Variants in ARSB observed in about 807,000 individuals in gnomAD.
ARSB encodes the protein arylsulfatase B.
A neutral mutation model predicts 50.9 loss-of-function variants in ARSB; 41 were observed. That is an observed-to-expected ratio of 0.81 (90% confidence interval 0.63 to 1.04). The LOEUF (loss-of-function observed/expected upper bound fraction) is 1.04. Among genes scored for constraint, ARSB ranks in the 50% least tolerant of loss-of-function variants. The pLI is 0.00. For missense variants in ARSB, 672 were observed against 693.3 expected, an observed-to-expected ratio of 0.97 and a Z score of 0.35; for synonymous variants, 269 against 284.8, an observed-to-expected ratio of 0.94 and a Z score of 0.56.
chr5:78,962,871 C>A (rs1177081723), intron 3 of ARSB, among the ~76,000 whole-genome samples: 1 of 152,180 alleles, frequency 6.6e-6, no homozygotes, highest in Non-Finnish European at 1.5e-5. Context: ...GCATTTAACT[C>A]ATTCAGGGAA....
chr5:78,854,189 T>C (rs569081079), intron 5 of ARSB, among the ~76,000 whole-genome samples: 1 of 152,390 alleles, frequency 6.6e-6, no homozygotes, highest in South Asian at 2.1e-4. Context: ...GCTGTTCCTA[T>C]TCAGCCATCT....
chr5:78,806,617 G>A (rs550321923), intron 6 of ARSB, among the ~76,000 whole-genome samples: 11 of 152,102 alleles, frequency 7.2e-5, no homozygotes, highest in African/African-American at 1.4e-4. Flanking sequence ...CTCACCCTGC[G>A]CTTTGCAGGT....
intron 1 of ARSB, among the ~76,000 whole-genome samples, chr5:78,984,584 C>A (rs1469636093): frequency 6.6e-6 from 1 of 152,258 alleles, no homozygotes; most frequent in East Asian, 1.9e-4. Flanking sequence ...CCCACGCCCT[C>A]CCCAGCCTCC....
At chr5:78,917,646 C>T (rs1241582671) in intron 4 of ARSB, among the ~76,000 whole-genome samples, 1 of 152,006 alleles carries the variant, frequency 6.6e-6, no homozygotes. Flanking sequence ...CAGAGTAGCT[C>T]GGATTACAGT....
At chr5:78,963,781 C>A (rs1752093498) in intron 3 of ARSB, among the ~76,000 whole-genome samples, 1 of 152,036 alleles carries the variant, frequency 6.6e-6, no homozygotes, top group South Asian at 2.1e-4. Flanking sequence ...ATCCATTCTC[C>A]CCAAGTTGTT....
chr5:78,807,894 C>T (rs1304443593), intron 6 of ARSB, among the ~76,000 whole-genome samples: 1 of 151,524 alleles, frequency 6.6e-6, no homozygotes, highest in African/African-American at 2.4e-5. Context: ...GAGATCGAGA[C>T]CATCCCGGCT....
intron 1 of ARSB, among the ~76,000 whole-genome samples, chr5:78,980,274 A>T (rs545622401): frequency 6.2e-4 from 95 of 152,328 alleles, no homozygotes; most frequent in African/African-American, 1.9e-3. Context: ...AATTGGTACA[A>T]TCCCTTAAGA....
chr5:78,792,417 T>C (rs1742991107), intron 6 of ARSB, among the ~76,000 whole-genome samples: 1 of 151,752 alleles, frequency 6.6e-6, no homozygotes, highest in Non-Finnish European at 1.5e-5. Context: ...AAGGCCATCC[T>C]GGGCCACGTG....
intron 6 of ARSB, among the ~76,000 whole-genome samples, chr5:78,792,696 T>C (rs1161423922): frequency 1.3e-5 from 2 of 152,234 alleles, no homozygotes; most frequent in Non-Finnish European, 2.9e-5. Flanking sequence ...GCACGGATTC[T>C]GGGTACAGGT....
chr5:78,929,209 C>T (rs572889529), intron 4 of ARSB, among the ~76,000 whole-genome samples: 4 of 152,294 alleles, frequency 2.6e-5, no homozygotes, highest in African/African-American at 2.4e-5. Flanking sequence ...ACACAGTCCC[C>T]GAGTTCTTTG....
intron 4 of ARSB, among the ~76,000 whole-genome samples, chr5:78,897,683 C>G (rs1187532687): frequency 2.6e-5 from 4 of 152,032 alleles, no homozygotes; most frequent in African/African-American, 9.7e-5. Context: ...AAGTTATAAT[C>G]AGATCTCCTG....
intron 6 of ARSB, among the ~76,000 whole-genome samples, chr5:78,787,091 C>CTATCT (rs1554070200): frequency 1.6e-4 from 21 of 128,054 alleles, no homozygotes; most frequent in African/African-American, 4.6e-4. Flanking sequence ...AATCGATAAC[C>CTATCT]ATCTATCTAT....
chr5:78,917,454 A>G (rs549434425), intron 4 of ARSB, among the ~76,000 whole-genome samples: 1 of 152,224 alleles, frequency 6.6e-6, no homozygotes, highest in African/African-American at 2.4e-5. Flanking sequence ...TTGTCTGAGC[A>G]TACGCATTTT....
intron 4 of ARSB, among the ~76,000 whole-genome samples, chr5:78,944,491 C>T (rs1361675028): frequency 2.0e-5 from 3 of 152,206 alleles, no homozygotes; most frequent in Non-Finnish European, 4.4e-5. Context: ...AGTTTTCCTT[C>T]TAACAGTCAG....
intron 4 of ARSB, among the ~76,000 whole-genome samples, chr5:78,914,117 C>T (rs1376074276): frequency 3.3e-5 from 5 of 151,980 alleles, no homozygotes; most frequent in Non-Finnish European, 7.4e-5. Flanking sequence ...TATGTGCCAC[C>T]ACACCCAGCT....
intron 3 of ARSB, among the ~76,000 whole-genome samples, chr5:78,964,191 C>T (rs1264310334): frequency 6.6e-6 from 1 of 152,180 alleles, no homozygotes; most frequent in East Asian, 1.9e-4. Flanking sequence ...TGCTGATGTA[C>T]GGATTTCTCC....
rs1752890420 is a variant in ARSB, at chr5:78,981,229, CGTGAG to C, written c.312+3703_312+3707del. On this transcript the variant is annotated intron_variant, in intron 1 of 7. Coordinates refer to ENST00000264914, the MANE Select transcript of ARSB (RefSeq NM_000046.5). ...CCTCCCAAAGTGCTGGGATTACAGG[CGTGAG>C]CCACCGCGCCCGGCCGAATTTCTAG... 6.4e-4 allele frequency among the ~76,000 whole-genome samples: 3 copies of C among 4,672 alleles called. 1 individual carries two copies. The highest frequency in any genetic ancestry group is 2.9e-3 in the Admixed American group (1 of 346). The allele number at this position is 4,672 out of a possible 152,430, so 3.1% of individuals were successfully genotyped here.
chr5:78,819,380 C>G (rs1187904641), intron 6 of ARSB, among the ~76,000 whole-genome samples: 1 of 152,182 alleles, frequency 6.6e-6, no homozygotes, highest in Admixed American at 6.5e-5. Context: ...GTTGCTGTTT[C>G]AAGGCAGACA....
At chr5:78,873,657 G>A (rs1180716322) in intron 5 of ARSB, among the ~76,000 whole-genome samples, 9 of 150,510 alleles carry the variant, frequency 6.0e-5, no homozygotes, top group Admixed American at 2.0e-4. Context: ...CACTACGCCC[G>A]GCTAATTTTT....
Sources: allele counts gnomAD v4.1 joint callset (sites outside exome capture counted in the v4.1 genomes callset), GRCh38; gene constraint gnomAD v4.1.1; transcripts MANE v1.5; gene names NCBI Gene and HGNC (gene_info 2026-07-23, HGNC 2026-07-21).